The following TNNI3K variants were observed in gnomAD, a reference collection of about 807,000 sequenced individuals.
TNNI3K encodes the protein TNNI3 interacting kinase.
TNNI3K carries 140 observed loss-of-function variants against 114.5 expected under a neutral mutation model. The ratio of observed to expected loss-of-function variants is 1.22; its 90% CI spans 1.07 to 1.41. The LOEUF is 1.41. Among genes scored for constraint, TNNI3K ranks in the 40% most tolerant of loss-of-function variants. The pLI, the probability that TNNI3K is intolerant of heterozygous loss-of-function variation, is 0.00. For missense variants in TNNI3K, 1,125 were observed against 1,007.6 expected (o/e 1.12, Z -1.58); for synonymous variants, 347 against 347.5 (o/e 1.00, Z 0.02).
chr1:74,525,002 G>C (rs888164029), intron 23 of TNNI3K, among the ~76,000 whole-genome samples: 2 of 152,154 alleles, frequency 1.3e-5, no homozygotes, highest in Non-Finnish European at 2.9e-5. Flanking sequence ...CAATTATATA[G>C]TAAGTATTTT....
chr1:74,471,911 A>T lies in TNNI3K; in HGVS notation c.2121+8361A>T, dbSNP rs930427223. The T allele has an allele frequency of 1.8e-5, 9 of 499,782 alleles. No homozygotes were observed. The Admixed American group carries it at 2.3e-4, about 13-fold the overall frequency. 31.0% of individuals were successfully genotyped at this position (499,782 alleles called of 1,614,324 possible). On this transcript the variant is annotated intron_variant, in intron 21 of 24. Transcript: ENST00000326637. ...CAGGGCACATATTTACAGATAAGAGAATTGTTTGGCTGAAAATACCTAGGT... is the reference window on the plus strand; with the variant it reads ...CAGGGCACATATTTACAGATAAGAGTATTGTTTGGCTGAAAATACCTAGGT...
intron 4 of TNNI3K, among the ~76,000 whole-genome samples, chr1:74,256,374 G>A (rs1342625300): frequency 7.5e-6 from 1 of 132,464 alleles, no homozygotes; most frequent in Non-Finnish European, 1.6e-5. Flanking sequence ...GCATTTCCCT[G>A]AAGACTAAAG....
At chr1:74,329,591 T>C (rs1383394306) in intron 5 of TNNI3K, among the ~76,000 whole-genome samples, 1 of 152,106 alleles carries the variant, frequency 6.6e-6, no homozygotes, top group Non-Finnish European at 1.5e-5. Context: ...TGTAAAATAA[T>C]AGTTTTGGCT....
At position 74,242,085 on chromosome 1, in the gene TNNI3K, G is replaced by A. The variant is rs370010312; in HGVS notation, c.149+5875G>A. On this transcript the variant is annotated intron_variant, in intron 2 of 24. Coordinates refer to ENST00000326637, the MANE Select transcript of TNNI3K (RefSeq NM_015978.3). ...AGGATGGTCTCGATCTCCTGACCTCGTGATCTGCCCACCTTGGCCTCCCAA... is the reference window on the plus strand; with the variant it reads ...AGGATGGTCTCGATCTCCTGACCTCATGATCTGCCCACCTTGGCCTCCCAA... Among the ~76,000 whole-genome samples, 85 of 152,070 alleles carry A rather than the reference G, an allele frequency of 5.6e-4. 3 individuals are homozygous for A. In the South Asian group the frequency reaches 0.013, roughly 24 times the overall value.
At chr1:74,314,489 A>G (rs966216240) in intron 5 of TNNI3K, among the ~76,000 whole-genome samples, 2 of 152,156 alleles carry the variant, frequency 1.3e-5, no homozygotes, top group Non-Finnish European at 2.9e-5. Flanking sequence ...AACAGGCTAC[A>G]TAATTTTCAG....
rs1557639071 is a variant in TNNI3K at position 74,542,353 on chromosome 1, A to C, written c.2432-1553A>C. ...CATAAAAGTATTACAAGCTTATGGA[A>C]GCATCTACCTATGCCTGAAATGAAG... is the stretch of plus-strand genomic sequence containing the variant. On this transcript the variant is annotated intron_variant, in intron 24 of 24. Transcript: ENST00000326637. Among the ~76,000 whole-genome samples, 4 of 152,218 alleles carry C rather than the reference A, an allele frequency of 2.6e-5. No homozygotes were observed. In the South Asian group the frequency reaches 6.2e-4, roughly 24 times the overall value.
chr1:74,383,845 A>G (rs973713624), intron 17 of TNNI3K, among the ~76,000 whole-genome samples: 1 of 152,136 alleles, frequency 6.6e-6, no homozygotes, highest in African/African-American at 2.4e-5. Flanking sequence ...TCGTAGCTCT[A>G]TATGATGACA....
At chr1:74,310,907 C>G (rs1006705709) in intron 5 of TNNI3K, among the ~76,000 whole-genome samples, 7 of 152,098 alleles carry the variant, frequency 4.6e-5, no homozygotes, top group African/African-American at 1.4e-4. Flanking sequence ...CCACCTCGTT[C>G]TATACAGAGG....
chr1:74,541,745 A>G (rs1361973301), intron 24 of TNNI3K: 1 of 152,226 alleles, frequency 6.6e-6, no homozygotes, highest in African/African-American at 2.4e-5. Context: ...TGTCTCAGGG[A>G]TGAAAGAAAA....
At chr1:74,400,824 A>G (rs1664321164) in intron 17 of TNNI3K, among the ~76,000 whole-genome samples, 1 of 152,178 alleles carries the variant, frequency 6.6e-6, no homozygotes. Context: ...GTATTGTGGA[A>G]AGAGGAACCT....
intron 5 of TNNI3K, among the ~76,000 whole-genome samples, chr1:74,310,757 TA>T (rs2100350472): frequency 6.6e-6 from 1 of 152,326 alleles, no homozygotes; most frequent in Non-Finnish European, 1.5e-5. Flanking sequence ...TGTAATGGAT[TA>T]TTGTTTTAAT....
chr1:74,309,025 TA>T (rs1310060400), intron 5 of TNNI3K, among the ~76,000 whole-genome samples: 1 of 151,914 alleles, frequency 6.6e-6, no homozygotes, highest in Non-Finnish European at 1.5e-5. Flanking sequence ...CTACCAACCA[TA>T]AAAAGCACTG....
intron 23 of TNNI3K, among the ~76,000 whole-genome samples, chr1:74,512,117 A>G (rs1424963443): frequency 1.3e-5 from 2 of 152,212 alleles, no homozygotes; most frequent in Admixed American, 6.5e-5. Context: ...GGGACTGGAT[A>G]TAGCAGCCAC....
chr1:74,520,519 C>A (rs1316140026), intron 23 of TNNI3K, among the ~76,000 whole-genome samples: 1 of 151,880 alleles, frequency 6.6e-6, no homozygotes. Context: ...GCCTCTGGCT[C>A]TTTTTCCCTC....
At chr1:74,253,117 T>C (rs12132757) in intron 4 of TNNI3K, among the ~76,000 whole-genome samples, 9,982 of 152,230 alleles carry the variant, frequency 0.066, 367 homozygotes, top group Middle Eastern at 0.095. Flanking sequence ...GAGTGCCAAT[T>C]GGTGCATCCA....
intron 23 of TNNI3K, among the ~76,000 whole-genome samples, chr1:74,496,324 A>G (rs972805409): frequency 3.9e-5 from 6 of 152,170 alleles, no homozygotes; most frequent in Non-Finnish European, 8.8e-5. Context: ...ATCCCTGCCA[A>G]AATTCCTTAC....
intron 11 of TNNI3K, among the ~76,000 whole-genome samples, chr1:74,364,573 A>T (rs937828645): frequency 2.6e-5 from 4 of 151,640 alleles, no homozygotes; most frequent in African/African-American, 9.7e-5. Flanking sequence ...ACCCCCAAAG[A>T]TGTTCAGGTC....
chr1:74,540,232 A>G lies in TNNI3K; in HGVS notation c.2352-2A>G, dbSNP rs780579335. 2.2e-5 allele frequency: 35 copies of G among 1,610,846 alleles called. 1 individual carries two copies. The highest frequency in any genetic ancestry group is 6.7e-5 in the Admixed American group (4 of 59,696). On this transcript the variant is annotated splice_acceptor_variant, in intron 23 of 24. Transcript: ENST00000326637. LOFTEE classifies it high-confidence loss of function. ...TGAAACTGTGTTTTATTAATTTTCC[A>G]GTGCTGGACAATATTCCTCTCAAGG... is the stretch of plus-strand genomic sequence containing the variant.
intron 23 of TNNI3K, among the ~76,000 whole-genome samples, chr1:74,504,045 T>C (rs542478205): frequency 6.6e-6 from 1 of 152,192 alleles, no homozygotes; most frequent in East Asian, 1.9e-4. Flanking sequence ...ACATAACACC[T>C]CTTCACCGCA....
Sources: allele counts gnomAD v4.1 joint callset (sites outside exome capture counted in the v4.1 genomes callset), GRCh38; gene constraint gnomAD v4.1.1; transcripts MANE v1.5; gene names NCBI Gene and HGNC (gene_info 2026-07-23, HGNC 2026-07-21).